Variants in CACUL1 observed in about 807,000 individuals in gnomAD.
The protein encoded by CACUL1 is CDK2 associated cullin domain 1, also known as CDK2-associated and cullin domain-containing protein 1.
In CACUL1, 13 loss-of-function variants were observed where a neutral mutation model predicts 45.2. The ratio of observed to expected loss-of-function variants is 0.29; its 90% CI spans 0.19 to 0.46. CACUL1 has a LOEUF of 0.46. Ranked by LOEUF, CACUL1 falls within the 20% of genes least tolerant of loss-of-function variation. The pLI is 1.00. For missense variants in CACUL1, 421 were observed against 471.4 expected (o/e 0.89, Z 0.99); for synonymous variants, 197 against 174.2 (o/e 1.13, Z -1.03).
chr10:118,691,762 G>A (rs1010898536), intron 6 of CACUL1, among the ~76,000 whole-genome samples: 7 of 150,718 alleles, frequency 4.6e-5, no homozygotes, highest in Admixed American at 6.6e-5. Context: ...AGCTACTCAG[G>A]AGGCTGAGGC....
In CACUL1 at chr10:118,735,104, A is replaced by AC. The variant is rs146438097; in HGVS notation, c.368-4695dup. On this transcript the variant is annotated intron_variant, in intron 1 of 8. Coordinates refer to ENST00000369151, the MANE Select transcript of CACUL1 (RefSeq NM_153810.5). Reference sequence around the variant, plus strand: ...AAACAGTATATGACACATGGTAGGTACCCAGTAACATCTGTAAAGCGAATT... The same window carrying AC: ...AAACAGTATATGACACATGGTAGGTACCCCAGTAACATCTGTAAAGCGAATT... 5.8e-3 allele frequency among the ~76,000 whole-genome samples: 886 copies of AC among 152,354 alleles called. 11 individuals are homozygous for AC. Among genetic ancestry groups the AC allele is most frequent in the African/African-American group, 0.019 (799 of 41,584 alleles).
chr10:118,716,766 C>T (rs1410906491), intron 3 of CACUL1, among the ~76,000 whole-genome samples: 1 of 152,078 alleles, frequency 6.6e-6, no homozygotes, highest in Non-Finnish European at 1.5e-5. Flanking sequence ...CCACGCCTGC[C>T]TAATTTTTTG....
intron 1 of CACUL1, among the ~76,000 whole-genome samples, chr10:118,749,993 G>A (rs1229828044): frequency 6.6e-6 from 1 of 152,162 alleles, no homozygotes; most frequent in African/African-American, 2.4e-5. Context: ...CATCTCTGTG[G>A]GAACTATAGA....
At chr10:118,752,507 C>T (rs1387102208) in intron 1 of CACUL1, among the ~76,000 whole-genome samples, 1 of 152,184 alleles carries the variant, frequency 6.6e-6, no homozygotes, top group Non-Finnish European at 1.5e-5. Flanking sequence ...GATCAGGACT[C>T]TGTAACACAC....
rs1474667792 is a variant in CACUL1 at position 118,679,368 on chromosome 10, TTTTAA to T, written c.*6755_*6759del. On this transcript the variant is annotated 3_prime_UTR_variant, in exon 9 of 9. Transcript: ENST00000369151. ...GTGTATGCCACCATGCCTAATTTTT[TTTTAA>T]TTTATTTTTATTTTTTATTTTTTGT... 2 of 150,046 alleles carry T rather than the reference TTTTAA, an allele frequency of 1.3e-5. No homozygotes were observed. The highest frequency in any genetic ancestry group is 2.9e-5 in the Non-Finnish European group (2 of 67,828). The allele number at this position is 150,046 out of a possible 1,614,324, so 9.3% of individuals were successfully genotyped here.
chr10:118,728,812 T>C (rs1845674618), intron 3 of CACUL1, among the ~76,000 whole-genome samples: 1 of 152,168 alleles, frequency 6.6e-6, no homozygotes, highest in East Asian at 1.9e-4. Flanking sequence ...TTCTGCAACC[T>C]GCCCCAGATT....
intron 1 of CACUL1, among the ~76,000 whole-genome samples, chr10:118,752,532 A>G (rs974909968): frequency 6.6e-6 from 1 of 152,222 alleles, no homozygotes; most frequent in Admixed American, 6.5e-5. Flanking sequence ...GGATTTGATG[A>G]GCGAGTATTT....
chr10:118,695,170 A>G lies in CACUL1; in HGVS notation c.857T>C (p.Ile286Thr). 3.7e-6 allele frequency: 6 copies of G among 1,607,214 alleles called. No individual in the cohort carries two copies. Among genetic ancestry groups the G allele is most frequent in the Non-Finnish European group, 5.1e-6 (6 of 1,173,796 alleles). The change falls in exon 6 of 9, where the codon ATT becomes ACT. Residue 286 changes from isoleucine to threonine, a missense_variant. This residue lies in a region of CACUL1 where 208 missense variants were observed against 298.4 expected (regional missense o/e 0.70). Transcript: ENST00000369151. ...TCTGAGGGTATACAGGCCTTTCACA[A>G]TATTTGCCATAGTTGAAGGTGTGAC... ...FQVTPSTMANIVKGLYTLRPE... is the reference protein window; with the variant it reads ...FQVTPSTMANTVKGLYTLRPE...
chr10:118,717,954 C>CA lies in CACUL1; in HGVS notation c.598-10368dup, dbSNP rs35307033. ...GAACACATCATGGGGTCCTCCATGA[C>CA]AAAAAAAGGTGGTGATTAACTGCCA... On this transcript the variant is annotated intron_variant, in intron 3 of 8. Coordinates refer to ENST00000369151, the MANE Select transcript of CACUL1 (RefSeq NM_153810.5). 2.5e-3 allele frequency among the ~76,000 whole-genome samples: 378 copies of CA among 151,884 alleles called. 2 individuals are homozygous for CA. The highest frequency in any genetic ancestry group is 8.7e-3 in the African/African-American group (360 of 41,436).
intron 7 of CACUL1, among the ~76,000 whole-genome samples, chr10:118,687,563 C>T (rs920742165): frequency 6.6e-6 from 1 of 152,210 alleles, no homozygotes; most frequent in African/African-American, 2.4e-5. Flanking sequence ...GTACATGAGC[C>T]TTATTTATCA....
chr10:118,745,113 TAAGTA>T (rs1845828928), intron 1 of CACUL1, among the ~76,000 whole-genome samples: 2 of 152,204 alleles, frequency 1.3e-5, no homozygotes, highest in Non-Finnish European at 2.9e-5. Flanking sequence ...TTTTACATTA[TAAGTA>T]AAGTAGTCTA....
chr10:118,695,828 T>C (rs965841231), intron 5 of CACUL1, among the ~76,000 whole-genome samples: 2 of 152,142 alleles, frequency 1.3e-5, no homozygotes, highest in Non-Finnish European at 2.9e-5. Context: ...TTTTAAGAAG[T>C]TTTTAACGAG....
At chr10:118,698,429 C>T (rs568305098) in intron 5 of CACUL1, among the ~76,000 whole-genome samples, 2 of 152,260 alleles carry the variant, frequency 1.3e-5, no homozygotes, top group East Asian at 1.9e-4. Flanking sequence ...CAGGTGTGAG[C>T]CATCGCGCCC....
chr10:118,753,681 T>A (rs1564841617), intron 1 of CACUL1, among the ~76,000 whole-genome samples: 1 of 152,338 alleles, frequency 6.6e-6, no homozygotes, highest in East Asian at 1.9e-4. Context: ...ACTACTAACA[T>A]AAAGTTCAAC....
intron 1 of CACUL1, among the ~76,000 whole-genome samples, chr10:118,750,250 C>T (rs562129548): frequency 6.6e-6 from 1 of 152,018 alleles, no homozygotes; most frequent in East Asian, 1.9e-4. Context: ...TGCTTGAATC[C>T]GGGAGGCGGA....
intron 3 of CACUL1, among the ~76,000 whole-genome samples, chr10:118,713,655 G>A (rs2119605365): frequency 6.6e-6 from 1 of 152,332 alleles, no homozygotes. Flanking sequence ...TTTAGAGTAA[G>A]TTTTCCTTTC....
chr10:118,699,014 TG>T (rs768499761), intron 5 of CACUL1, among the ~76,000 whole-genome samples: 5 of 152,342 alleles, frequency 3.3e-5, no homozygotes, highest in Non-Finnish European at 7.4e-5. Context: ...AACCTCTCTT[TG>T]TCTCCGTTTC....
intron 3 of CACUL1, 137 bp from the exon 4 acceptor site, chr10:118,707,724 A>C: frequency 3.7e-6 from 2 of 538,566 alleles, no homozygotes; most frequent in Non-Finnish European, 6.5e-6. Context: ...AAAGGAAGAC[A>C]CGTACACTCT....
intron 1 of CACUL1, among the ~76,000 whole-genome samples, chr10:118,740,515 T>TA (rs572461810): frequency 1.1e-3 from 163 of 151,844 alleles, no homozygotes; most frequent in African/African-American, 3.7e-3. Context: ...GAAGCTGAGG[T>TA]ACAAGAATTT....
Sources: allele counts gnomAD v4.1 joint callset (sites outside exome capture counted in the v4.1 genomes callset), GRCh38; gene constraint gnomAD v4.1.1; regional missense constraint gnomAD v4.1.1; transcripts MANE v1.5; gene names NCBI Gene and HGNC (gene_info 2026-07-23, HGNC 2026-07-21).